The following AFAP1 variants were observed in gnomAD, a reference collection of about 807,000 sequenced individuals.
AFAP1 encodes actin filament associated protein 1, also known as actin filament-associated protein 1.
AFAP1 carries 75 observed loss-of-function variants against 93.9 expected under a neutral mutation model. That is an observed-to-expected ratio of 0.80 (90% CI 0.66 to 0.97). AFAP1 has a LOEUF of 0.97. Among genes scored for constraint, AFAP1 ranks in the 50% least tolerant of loss-of-function variants. The pLI is 0.00. For missense variants in AFAP1, 1,201 were observed against 1,050.8 expected, an observed-to-expected ratio of 1.14 and a Z score of -1.98; for synonymous variants, 517 against 430.7, an observed-to-expected ratio of 1.20 and a Z score of -2.48.
At chr4:7,789,865 A>T (rs1048986432) in intron 11 of AFAP1, among the ~76,000 whole-genome samples, 1 of 152,250 alleles carries the variant, frequency 6.6e-6, no homozygotes, top group Admixed American at 6.5e-5. Context: ...AGAGAGTTTC[A>T]GGAAAACTCT....
chr4:7,814,326 C>A (rs769315026), intron 8 of AFAP1, among the ~76,000 whole-genome samples: 11 of 152,154 alleles, frequency 7.2e-5, no homozygotes, highest in Non-Finnish European at 1.3e-4. Flanking sequence ...TACCACTACA[C>A]CCCTATTAAA....
intron 17 of AFAP1, among the ~76,000 whole-genome samples, chr4:7,764,701 T>C (rs1714304854): frequency 6.6e-6 from 1 of 152,202 alleles, no homozygotes; most frequent in Non-Finnish European, 1.5e-5. Flanking sequence ...GTGCCAGCAC[T>C]GTGAAAGCAG....
At chr4:7,845,632 C>T (rs765744132) in intron 4 of AFAP1, among the ~76,000 whole-genome samples, 3 of 151,994 alleles carry the variant, frequency 2.0e-5, no homozygotes, top group Non-Finnish European at 2.9e-5. Flanking sequence ...GTCTCTGCCC[C>T]GCTTCTGCCC....
intron 3 of AFAP1, among the ~76,000 whole-genome samples, chr4:7,866,309 A>T (rs1026251966): frequency 6.7e-6 from 1 of 150,206 alleles, no homozygotes; most frequent in African/African-American, 2.5e-5. Flanking sequence ...TGATCCTCCC[A>T]CCTCAGCCTC....
At chr4:7,840,271 T>TGTGTGTGCGTGC (rs768853149) in intron 5 of AFAP1, among the ~76,000 whole-genome samples, 2 of 130,582 alleles carry the variant, frequency 1.5e-5, no homozygotes, top group Non-Finnish European at 3.4e-5. Context: ...GATGTGTGTG[T>TGTGTGTGCGTGC]GTGTGTGTGT....
chr4:7,868,607 G>A lies in AFAP1; in HGVS notation c.225+15C>T. On this transcript the variant is annotated intron_variant, in intron 3 of 17. Transcript: ENST00000420658. ...CTCCAGCGATGACCACTGAGATGGT[G>A]GGACCTTGACTCACCAGCCAGGGCT... 1 of 1,607,964 alleles carries A rather than the reference G, an allele frequency of 6.2e-7. No individual in the cohort carries two copies. Among genetic ancestry groups the A allele is most frequent in the South Asian group, 1.1e-5 (1 of 90,636 alleles).
At chr4:7,911,314 G>A (rs1040123327) in intron 1 of AFAP1, among the ~76,000 whole-genome samples, 2 of 152,200 alleles carry the variant, frequency 1.3e-5, no homozygotes, top group African/African-American at 4.8e-5. Flanking sequence ...GAGGGGGGAA[G>A]GGTCCTCTTG....
chr4:7,883,912 C>A (rs1233247812), intron 1 of AFAP1, among the ~76,000 whole-genome samples: 1 of 152,126 alleles, frequency 6.6e-6, no homozygotes, highest in East Asian at 1.9e-4. Context: ...ATATTTCGAG[C>A]AATAGCAATA....
chr4:7,853,018 G>A (rs991477580), intron 4 of AFAP1, among the ~76,000 whole-genome samples: 19 of 152,098 alleles, frequency 1.2e-4, no homozygotes, highest in Admixed American at 9.2e-4. Flanking sequence ...TCAAGCGTGC[G>A]CTGCTCGTCT....
intron 1 of AFAP1, among the ~76,000 whole-genome samples, chr4:7,927,839 T>G (rs1720850636): frequency 6.6e-6 from 1 of 152,206 alleles, no homozygotes; most frequent in South Asian, 2.1e-4. Context: ...CTGAAATATT[T>G]AAGCCAATGT....
intron 1 of AFAP1, among the ~76,000 whole-genome samples, chr4:7,933,040 A>AAG (rs1553858303): frequency 0.17 from 20,134 of 115,826 alleles, 2,804 homozygotes; most frequent in Non-Finnish European, 0.28. Context: ...AAAAAAAAAA[A>AAG]GGGGGGGGAT....
intron 1 of AFAP1, among the ~76,000 whole-genome samples, chr4:7,895,857 T>G (rs1718732385): frequency 6.7e-6 from 1 of 149,938 alleles, no homozygotes; most frequent in Admixed American, 6.7e-5. Flanking sequence ...AGAAAGTTTT[T>G]TTTTTTTTTT....
chr4:7,789,515 A>C (rs1577209807), intron 11 of AFAP1, among the ~76,000 whole-genome samples: 1 of 134,994 alleles, frequency 7.4e-6, no homozygotes. Flanking sequence ...GCATCTCCCC[A>C]TGCTCCGCAC....
intron 9 of AFAP1, among the ~76,000 whole-genome samples, chr4:7,801,570 C>T (rs1719032453): frequency 6.6e-6 from 1 of 152,066 alleles, no homozygotes; most frequent in Non-Finnish European, 1.5e-5. Flanking sequence ...CACCATAATG[C>T]TAGTAAATTA....
At chr4:7,783,825 C>A (rs1717011035) in intron 12 of AFAP1, among the ~76,000 whole-genome samples, 2 of 152,160 alleles carry the variant, frequency 1.3e-5, no homozygotes, top group South Asian at 4.1e-4. Flanking sequence ...GTAAGGCGTG[C>A]ATGTGGAGAA....
Position 7,939,821 on chromosome 4 carries a change from C to A in AFAP1, c.-168G>T, listed in dbSNP as rs1001177954. On this transcript the variant is annotated 5_prime_UTR_variant, in exon 1 of 18. Coordinates refer to ENST00000420658, the MANE Select transcript of AFAP1 (RefSeq NM_001134647.2). The surrounding 1 kb of genome is among the most constrained non-coding windows in gnomAD (Gnocchi z 5.6). ...ACCCCGCTCGAGATCCGGCTCGGCT[C>A]GCGGAGCTGCAGCCGGCGTGGGGCT... 1.1e-4 allele frequency: 32 copies of A among 300,200 alleles called. No homozygotes were observed. Among genetic ancestry groups the A allele is most frequent in the Non-Finnish European group, 1.8e-4 (28 of 157,192 alleles). The allele number at this position is 300,200 out of a possible 1,614,324, so 18.6% of individuals were successfully genotyped here.
intron 1 of AFAP1, among the ~76,000 whole-genome samples, chr4:7,881,072 GTTCTTCCCTTCAAA>G (rs1717813906): frequency 6.6e-6 from 1 of 152,094 alleles, no homozygotes; most frequent in South Asian, 2.1e-4. Flanking sequence ...TTCCCATATG[GTTCTTCCCTTCAAA>G]TTTCTAACCC....
chr4:7,902,819 G>A (rs958428078), intron 1 of AFAP1, among the ~76,000 whole-genome samples: 3 of 152,126 alleles, frequency 2.0e-5, no homozygotes, highest in Non-Finnish European at 4.4e-5. Context: ...GGCCTGGAGC[G>A]CTCCTGGGCC....
chr4:7,801,321 A>C (rs1719003154), intron 9 of AFAP1, among the ~76,000 whole-genome samples: 1 of 152,120 alleles, frequency 6.6e-6, no homozygotes, highest in East Asian at 1.9e-4. Context: ...TAAACTCTAA[A>C]GTCTGAATCT....
Sources: allele counts gnomAD v4.1 joint callset (sites outside exome capture counted in the v4.1 genomes callset), GRCh38; gene constraint gnomAD v4.1.1; non-coding constraint Gnocchi (gnomAD v3.1); transcripts MANE v1.5; gene names NCBI Gene and HGNC (gene_info 2026-07-23, HGNC 2026-07-21).